SNTB1: variants seen among roughly 807,000 people sequenced by gnomAD.
SNTB1 encodes the protein beta-1-syntrophin.
In SNTB1, 36 loss-of-function variants were observed where a neutral mutation model predicts 48.9. That is an observed-to-expected ratio of 0.74 (90% CI 0.56 to 0.97). The LOEUF (loss-of-function observed/expected upper bound fraction) is 0.97. SNTB1 is among the 50% of genes least tolerant of loss of function. SNTB1 has a pLI of 0.00. For missense variants in SNTB1, 786 were observed against 703.4 expected, an observed-to-expected ratio of 1.12 and a Z score of -1.33; for synonymous variants, 299 against 294.6, an observed-to-expected ratio of 1.01 and a Z score of -0.15.
At chr8:120,652,013 A>T (rs575358996) in intron 2 of SNTB1, among the ~76,000 whole-genome samples, 1 of 152,304 alleles carries the variant, frequency 6.6e-6, no homozygotes, top group East Asian at 1.9e-4. Flanking sequence ...CAAAATTGGA[A>T]GGGAGATTTT....
chr8:120,733,362 G>T (rs949357813), intron 1 of SNTB1, among the ~76,000 whole-genome samples: 1 of 152,248 alleles, frequency 6.6e-6, no homozygotes, highest in African/African-American at 2.4e-5. Context: ...ACGCATAGGC[G>T]TCTGTGTCAT....
At chr8:120,566,197 T>C (rs1815745550) in intron 4 of SNTB1, among the ~76,000 whole-genome samples, 1 of 151,884 alleles carries the variant, frequency 6.6e-6, no homozygotes, top group South Asian at 2.1e-4. Context: ...AGTGTGGTCA[T>C]GGGTGCCTGT....
intron 2 of SNTB1, among the ~76,000 whole-genome samples, chr8:120,684,331 A>G (rs2129830116): frequency 6.6e-6 from 1 of 152,242 alleles, no homozygotes; most frequent in Admixed American, 6.5e-5. Context: ...AGCATGCCCA[A>G]ATTCATGTCT....
intron 1 of SNTB1, among the ~76,000 whole-genome samples, chr8:120,802,541 C>T (rs1474519907): frequency 6.6e-6 from 1 of 152,126 alleles, no homozygotes; most frequent in Non-Finnish European, 1.5e-5. Flanking sequence ...TCATAACTCT[C>T]ACCTCACAAA....
intron 2 of SNTB1, among the ~76,000 whole-genome samples, chr8:120,687,546 C>T (rs745311502): frequency 6.6e-6 from 1 of 152,210 alleles, no homozygotes; most frequent in Non-Finnish European, 1.5e-5. Context: ...TTTCAGCTTA[C>T]TTGCCTAAAA....
chr8:120,685,189 G>T (rs1036711105), intron 2 of SNTB1, among the ~76,000 whole-genome samples: 13 of 152,340 alleles, frequency 8.5e-5, no homozygotes, highest in Admixed American at 4.6e-4. Flanking sequence ...CCCTGAGGTG[G>T]CTCTGCCCTT....
chr8:120,645,087 C>A (rs866211979), intron 2 of SNTB1, among the ~76,000 whole-genome samples: 1 of 147,478 alleles, frequency 6.8e-6, no homozygotes, highest in East Asian at 2.0e-4. Flanking sequence ...GAGTAGGTTG[C>A]GAAAATTTTC....
intron 1 of SNTB1, among the ~76,000 whole-genome samples, chr8:120,697,795 A>T (rs571981277): frequency 1.2e-4 from 19 of 152,366 alleles, no homozygotes; most frequent in African/African-American, 4.6e-4. Context: ...ACCTTGAGAG[A>T]ATCTTCCACA....
chr8:120,703,994 G>C (rs1818344877), intron 1 of SNTB1, among the ~76,000 whole-genome samples: 1 of 152,218 alleles, frequency 6.6e-6, no homozygotes, highest in African/African-American at 2.4e-5. Flanking sequence ...GCAATTGGCA[G>C]TGCTGAGATT....
chr8:120,656,311 C>T (rs1172233335), intron 2 of SNTB1, among the ~76,000 whole-genome samples: 1 of 152,208 alleles, frequency 6.6e-6, no homozygotes, highest in Admixed American at 6.5e-5. Context: ...TTCTGCTAAG[C>T]TCTGAGGGAA....
chr8:120,735,129 A>G (rs752657367), intron 1 of SNTB1, among the ~76,000 whole-genome samples: 9 of 152,198 alleles, frequency 5.9e-5, no homozygotes, highest in Non-Finnish European at 1.3e-4. Flanking sequence ...AAGTCAGCAG[A>G]TGAGGCTATG....
chr8:120,773,296 A>T (rs991899129), intron 1 of SNTB1, among the ~76,000 whole-genome samples: 7 of 152,140 alleles, frequency 4.6e-5, no homozygotes, highest in African/African-American at 1.4e-4. Context: ...GGTAGGAAAA[A>T]TTGTTTAAGC....
chr8:120,689,267 T>G (rs1011589532), intron 2 of SNTB1, among the ~76,000 whole-genome samples: 3 of 152,180 alleles, frequency 2.0e-5, no homozygotes, highest in African/African-American at 7.2e-5. Flanking sequence ...GCTGTGGCAT[T>G]TGTCATTGGT....
At chr8:120,563,290 CT>C (rs11453370) in intron 4 of SNTB1, among the ~76,000 whole-genome samples, 296 of 146,256 alleles carry the variant, frequency 2.0e-3, no homozygotes, top group Middle Eastern at 3.5e-3. Flanking sequence ...GTGAGCATAC[CT>C]TTTTTTTTTT....
At chr8:120,636,146 T>G (rs977346120) in intron 2 of SNTB1, 5 of 203,056 alleles carry the variant, frequency 2.5e-5, no homozygotes, top group Non-Finnish European at 4.8e-5. Context: ...GGGTCCTTCT[T>G]GCTGATGCAG....
At chr8:120,591,616 T>C (rs1367951701) in intron 3 of SNTB1, among the ~76,000 whole-genome samples, 1 of 152,200 alleles carries the variant, frequency 6.6e-6, no homozygotes, top group Admixed American at 6.5e-5. Context: ...TATCAACAAC[T>C]GCCCTTTTTT....
intron 1 of SNTB1, among the ~76,000 whole-genome samples, chr8:120,806,065 C>T (rs1368805113): frequency 2.6e-5 from 4 of 152,246 alleles, no homozygotes; most frequent in Middle Eastern, 3.4e-3. Context: ...TTATTACATT[C>T]GAAAAAGAGT....
At chr8:120,804,559 T>C (rs1381837830) in intron 1 of SNTB1, among the ~76,000 whole-genome samples, 1 of 152,136 alleles carries the variant, frequency 6.6e-6, no homozygotes, top group African/African-American at 2.4e-5. Context: ...AGCACCTGTT[T>C]GGAGAGTAGG....
intron 1 of SNTB1, among the ~76,000 whole-genome samples, chr8:120,809,690 CT>C (rs983574661): frequency 6.6e-6 from 1 of 151,828 alleles, no homozygotes. Context: ...CCAAATAACA[CT>C]TGCCCCAGAT....
Sources: gnomAD v4.1 joint callset for allele counts (sites outside exome capture counted in the v4.1 genomes callset) on GRCh38, gnomAD v4.1.1 for gene constraint, MANE v1.5 for transcripts, NCBI Gene and HGNC (gene_info 2026-07-23, HGNC 2026-07-21) for gene names.